NWD1: variants seen among roughly 807,000 people sequenced by gnomAD.
NWD1 encodes the protein NACHT domain- and WD repeat-containing protein 1.
In NWD1, 129 loss-of-function variants were observed where a neutral mutation model predicts 135.1. That is an observed-to-expected ratio of 0.96 (90% CI 0.83 to 1.11). NWD1 has a LOEUF of 1.11. Among genes scored for constraint, NWD1 ranks in the 50% least tolerant of loss-of-function variants. NWD1 has a pLI of 0.00. For missense variants in NWD1, 1,740 were observed against 1,851.3 expected, an observed-to-expected ratio of 0.94 and a Z score of 1.10; for synonymous variants, 773 against 786.0, an observed-to-expected ratio of 0.98 and a Z score of 0.28.
In NWD1 at chr19:16,750,169, A is replaced by G. The variant is rs145666110; in HGVS notation, c.1527A>G (p.Ala509=). The part of the protein sequence containing the change: ...QGQQMIQLLL[A]AARRTLSPVH... ...AGCAGATGATCCAACTCCTGCTGGC[A>G]GCTGCAAGGAGGACGCTGAGCCCGG... The change falls in exon 6 of 19, where the codon GCA becomes GCG. Residue 509 remains alanine (A), a synonymous_variant. Coordinates refer to ENST00000524140, the MANE Select transcript of NWD1 (RefSeq NM_001007525.5). 1.3e-4 allele frequency: 216 copies of G among 1,613,644 alleles called. 2 individuals are homozygous for G. The African/African-American group carries it at 2.3e-3, about 17-fold the overall frequency.
chr19:16,810,373 G>A (rs781029383), intron 18 of NWD1, among the ~76,000 whole-genome samples: 10 of 150,924 alleles, frequency 6.6e-5, no homozygotes, highest in Non-Finnish European at 1.0e-4. Context: ...GGAAGGCAGA[G>A]GCTGCAGTGA....
At chr19:16,735,792 T>TGGAAGGAAGGAAGGAA (rs1216718356) in intron 3 of NWD1, among the ~76,000 whole-genome samples, 17 of 96,544 alleles carry the variant, frequency 1.8e-4, no homozygotes, top group African/African-American at 5.1e-4. Flanking sequence ...ATCATGCCAC[T>TGGAAGGAAGGAAGGAA]GGAAGGAAGG....
intron 3 of NWD1, among the ~76,000 whole-genome samples, chr19:16,735,549 C>G (rs1311395531): frequency 3.3e-5 from 5 of 150,820 alleles, no homozygotes; most frequent in African/African-American, 7.3e-5. Context: ...AGAAATCAGT[C>G]TGGGGGCAGT....
At chr19:16,721,789 T>C (rs1967146123) in intron 1 of NWD1, among the ~76,000 whole-genome samples, 1 of 152,144 alleles carries the variant, frequency 6.6e-6, no homozygotes, top group Non-Finnish European at 1.5e-5. Context: ...CGCTCAACTC[T>C]ATTTACTGGG....
At chr19:16,789,336 T>A in intron 13 of NWD1, 146 bp downstream of exon 13, 1 of 640,010 alleles carries the variant, frequency 1.6e-6, no homozygotes, top group South Asian at 1.9e-5. Context: ...GAGGGTGCTA[T>A]AAGAGGTTTC....
Position 16,762,143 on chromosome 19 carries a change from G to C in NWD1, c.2133+5G>C, listed in dbSNP as rs768380698. On this transcript the variant is annotated splice_donor_5th_base_variant and intron_variant, in intron 8 of 18. Transcript: ENST00000524140. ...CCACTGAACTTGGACCGAAAGGTGA[G>C]GTACCTGGGACCCCCATTCCCCACC... 6.2e-7 allele frequency: 1 copy of C among 1,610,534 alleles called. No homozygotes were observed. The highest frequency in any genetic ancestry group is 1.1e-5 in the South Asian group (1 of 90,878).
At chr19:16,745,263 A>G (rs1282245982) in intron 5 of NWD1, 2 of 331,016 alleles carry the variant, frequency 6.0e-6, no homozygotes, top group Non-Finnish European at 1.2e-5. Context: ...CCATGATTCA[A>G]TTATCTCCCA....
chr19:16,756,659 T>C (rs1370035350), intron 6 of NWD1, among the ~76,000 whole-genome samples: 1 of 152,154 alleles, frequency 6.6e-6, no homozygotes, highest in African/African-American at 2.4e-5. Flanking sequence ...GCTACCAGCA[T>C]CTAGTGGGTG....
At position 16,744,580 on chromosome 19, in the gene NWD1, G is replaced by A. The variant is rs779827293; in HGVS notation, c.358G>A (p.Val120Ile). Residue 120 changes from valine (V) to isoleucine (I), a missense_variant, in exon 5 of 19, where the codon GTC (valine) becomes ATC (isoleucine). Val to Ile is a conservative substitution (Grantham distance 29). Transcript: ENST00000524140. ...RDENAFPPTY[V>I]LQAPGTGEAC... ...CGAGAATGCGTTTCCTCCCACCTAC[G>A]TCCTGCAGGCACCAGGTACTGGGGA... is the stretch of plus-strand genomic sequence containing the variant. 2.1e-4 allele frequency: 321 copies of A among 1,535,186 alleles called. 1 individual carries two copies. The highest frequency in any genetic ancestry group is 1.8e-3 in the Middle Eastern group (11 of 5,986).
At chr19:16,791,872 G>A (rs537377366) in intron 14 of NWD1, among the ~76,000 whole-genome samples, 123 of 152,136 alleles carry the variant, frequency 8.1e-4, no homozygotes, top group African/African-American at 2.8e-3. Context: ...GTGCCACCAC[G>A]CCTGGCTAAT....
Position 16,791,423 on chromosome 19 carries a change from G to T in NWD1, c.3014G>T (p.Cys1005Phe), listed in dbSNP as rs1472666203. Residue 1005 changes from cysteine to phenylalanine, a missense_variant, in exon 14 of 19, where the codon TGC (cysteine) becomes TTC (phenylalanine). Transcript: ENST00000524140. ...ILGDASDPWM[C>F]MAVLASQATL... ...GGAGATGCCTCTGATCCTTGGATGT[G>T]CATGGCCGTGCTGGCCTCCCAGGCC... 3.1e-6 allele frequency: 5 copies of T among 1,613,974 alleles called. No individual in the cohort carries two copies. The highest frequency in any genetic ancestry group is 2.2e-5 in the East Asian group (1 of 44,892).
chr19:16,745,002 T>C (rs1333417560), intron 5 of NWD1: 3 of 605,470 alleles, frequency 5.0e-6, no homozygotes, highest in Non-Finnish European at 9.2e-6. Flanking sequence ...TCTGTTCTCA[T>C]GCCACTAATA....
intron 17 of NWD1, among the ~76,000 whole-genome samples, chr19:16,806,261 T>A (rs1457632955): frequency 1.3e-5 from 2 of 152,108 alleles, no homozygotes; most frequent in Non-Finnish European, 2.9e-5. Context: ...CACTGTCCAA[T>A]TCTCGCAGAC....
intron 16 of NWD1, among the ~76,000 whole-genome samples, chr19:16,798,648 C>G (rs1250653631): frequency 1.3e-5 from 2 of 151,980 alleles, no homozygotes; most frequent in Non-Finnish European, 2.9e-5. Flanking sequence ...TTTTTGAGAC[C>G]AAGTCTCACT....
rs75216091 is a variant in NWD1, at chr19:16,768,450, T to C, written c.2410+3258T>C. On this transcript the variant is annotated intron_variant, in intron 10 of 18. Transcript: ENST00000524140. ...TTTGGATATTGTGAAAAGGAATCAC[T>C]AGATCACATGGAAATTTTGTGTTTA... Among the ~76,000 whole-genome samples, 38 of 152,352 alleles carry C rather than the reference T, an allele frequency of 2.5e-4. No homozygotes were observed. In the East Asian group the frequency reaches 7.1e-3, roughly 29 times the overall value.
At chr19:16,764,212 C>T (rs1969128734) in intron 9 of NWD1, among the ~76,000 whole-genome samples, 1 of 152,114 alleles carries the variant, frequency 6.6e-6, no homozygotes, top group Non-Finnish European at 1.5e-5. Context: ...GTGCACAGGA[C>T]ACCCTACCAC....
rs187069702 is a variant in NWD1, at chr19:16,767,164, C to T, written c.2410+1972C>T. Among the ~76,000 whole-genome samples, 1,027 of 123,748 alleles carry T rather than the reference C, an allele frequency of 8.3e-3. 12 individuals are homozygous for T. Among genetic ancestry groups the T allele is most frequent in the African/African-American group, 0.029 (958 of 33,338 alleles). 81.2% of individuals were successfully genotyped at this position (123,748 alleles called of 152,430 possible). A position where few individuals can be genotyped will look rare whatever the true frequency, so the allele number is the denominator to read the frequency against. On this transcript the variant is annotated intron_variant, in intron 10 of 18. Transcript: ENST00000524140. ...AATCATGGCAGAAGGGAAAGAGGTGCGTCTTTTTTTTTTTTTTTTTTTTTT... is the reference window on the plus strand; with the variant it reads ...AATCATGGCAGAAGGGAAAGAGGTGTGTCTTTTTTTTTTTTTTTTTTTTTT...
chr19:16,733,556 A>T (rs1388281810), intron 3 of NWD1, among the ~76,000 whole-genome samples: 1 of 152,056 alleles, frequency 6.6e-6, no homozygotes, highest in East Asian at 1.9e-4. Flanking sequence ...TCTTTGGGTA[A>T]AAAAGAAAAG....
chr19:16,773,083 G>A (rs758240550), intron 10 of NWD1, 43 bp from the exon 11 acceptor site: 10 of 1,557,888 alleles, frequency 6.4e-6, no homozygotes, highest in Non-Finnish European at 8.9e-6. Context: ...GAGGGTAGAG[G>A]GGGCTCAATC....
Sources: gnomAD v4.1 joint callset for allele counts (sites outside exome capture counted in the v4.1 genomes callset) on GRCh38, gnomAD v4.1.1 for gene constraint, MANE v1.5 for transcripts, NCBI Gene and HGNC (gene_info 2026-07-23, HGNC 2026-07-21) for gene names.